Variants in SNTG1 observed in about 807,000 individuals in gnomAD.
SNTG1 encodes the protein gamma-1-syntrophin.
SNTG1 carries 39 observed loss-of-function variants against 74.7 expected under a neutral mutation model. The observed-to-expected ratio is 0.52, with a 90% CI of 0.40 to 0.68. The LOEUF (loss-of-function observed/expected upper bound fraction) is 0.68, where lower values mean the gene tolerates loss of function less well. SNTG1 is among the 30% of genes least tolerant of loss of function. The pLI is 0.00. For missense variants in SNTG1, 685 were observed against 609.5 expected, an observed-to-expected ratio of 1.12 and a Z score of -1.30; for synonymous variants, 254 against 217.1, an observed-to-expected ratio of 1.17 and a Z score of -1.49.
chr8:50,571,687 G>A (rs1183148708), intron 12 of SNTG1, among the ~76,000 whole-genome samples: 4 of 152,162 alleles, frequency 2.6e-5, no homozygotes, highest in African/African-American at 9.7e-5. Context: ...TATTTCTACA[G>A]AAGCAGGACT....
intron 2 of SNTG1, among the ~76,000 whole-genome samples, chr8:50,266,578 T>C (rs981258245): frequency 6.7e-6 from 1 of 150,300 alleles, no homozygotes; most frequent in Non-Finnish European, 1.5e-5. Context: ...TAAATATAAA[T>C]AAATTAATAA....
At chr8:50,099,403 A>G (rs1243790456) in intron 1 of SNTG1, among the ~76,000 whole-genome samples, 11 of 152,266 alleles carry the variant, frequency 7.2e-5, no homozygotes, top group Admixed American at 6.5e-4. Context: ...AGGATCTTCA[A>G]AATTGACATA....
chr8:50,700,217 G>GAGTATCTTA (rs2095418787), intron 15 of SNTG1, among the ~76,000 whole-genome samples: 1 of 152,100 alleles, frequency 6.6e-6, no homozygotes. Flanking sequence ...CAGTCTCTAA[G>GAGTATCTTA]AGTATCTTAT....
chr8:49,976,062 G>A (rs7010915), intron 1 of SNTG1, among the ~76,000 whole-genome samples: 105,001 of 151,858 alleles, frequency 0.69, 38,214 homozygotes, highest in East Asian at 0.86. Context: ...AAGACCTACT[G>A]TCATTCTTGG....
intron 1 of SNTG1, among the ~76,000 whole-genome samples, chr8:50,121,074 A>T (rs547639714): frequency 7.0e-6 from 1 of 142,692 alleles, no homozygotes; most frequent in East Asian, 2.0e-4. Context: ...ATTTAAGAAT[A>T]TTAAAATGTC....
rs150590853 is a variant in SNTG1, at chr8:50,464,372, T to C, written c.363+13643T>C. ...AAGTTTAATAAGTTCTAAGTTTTGA[T>C]TTAAAGTGAGAGGTGTGGGAATTTT... is the stretch of plus-strand genomic sequence containing the variant. On this transcript the variant is annotated intron_variant, in intron 8 of 18. Transcript: ENST00000642720. Among the ~76,000 whole-genome samples the C allele has an allele frequency of 2.4e-4, 36 of 152,254 alleles. No homozygotes were observed. The East Asian group carries it at 6.8e-3, about 29-fold the overall frequency.
chr8:50,419,920 G>A (rs79746833), intron 4 of SNTG1, among the ~76,000 whole-genome samples: 7,106 of 151,712 alleles, frequency 0.047, 216 homozygotes, highest in Middle Eastern at 0.095. Flanking sequence ...CACAATGGAC[G>A]GGACAGAGAA....
chr8:50,258,012 C>T (rs1275232749), intron 2 of SNTG1, among the ~76,000 whole-genome samples: 1 of 152,178 alleles, frequency 6.6e-6, no homozygotes. Context: ...ATTACTTTGT[C>T]CAAGGAATCT....
At chr8:49,970,058 C>G (rs1380839845) in intron 1 of SNTG1, among the ~76,000 whole-genome samples, 1 of 151,966 alleles carries the variant, frequency 6.6e-6, no homozygotes, top group East Asian at 1.9e-4. Flanking sequence ...ACAGTTAGAC[C>G]AATCTCAGGG....
intron 1 of SNTG1, among the ~76,000 whole-genome samples, chr8:49,963,252 A>C (rs1810854876): frequency 6.6e-6 from 1 of 152,154 alleles, no homozygotes; most frequent in Non-Finnish European, 1.5e-5. Flanking sequence ...TACCCACAGC[A>C]TGTGCTGTAT....
chr8:50,576,761 T>C (rs2094579022), intron 12 of SNTG1, among the ~76,000 whole-genome samples: 1 of 152,128 alleles, frequency 6.6e-6, no homozygotes. Context: ...TTTCAGATTG[T>C]TCATTGTTAT....
chr8:50,696,880 T>G (rs984686292), intron 15 of SNTG1, among the ~76,000 whole-genome samples: 2 of 152,188 alleles, frequency 1.3e-5, no homozygotes, highest in Non-Finnish European at 2.9e-5. Flanking sequence ...GGTAATGTGA[T>G]GCCTCCAGCT....
At chr8:50,344,867 A>C (rs2091426551) in intron 2 of SNTG1, among the ~76,000 whole-genome samples, 1 of 152,130 alleles carries the variant, frequency 6.6e-6, no homozygotes, top group Non-Finnish European at 1.5e-5. Flanking sequence ...ACGGCCTTTC[A>C]AGGTGTGATT....
chr8:50,264,560 C>G lies in SNTG1; in HGVS notation c.-28+91925C>G, dbSNP rs181265164. Among the ~76,000 whole-genome samples, 1,369 of 149,824 alleles carry G rather than the reference C, an allele frequency of 9.1e-3. 5 individuals are homozygous for G. Among genetic ancestry groups the G allele is most frequent in the Admixed American group, 0.015 (219 of 14,960 alleles). The stretch of plus-strand genomic sequence containing the variant: ...ACTCCAGCCTGAGCAACAGAGCAAG[C>G]CTCCGTCTCAAAATAAAAAAAAAAA... On this transcript the variant is annotated intron_variant, in intron 2 of 18. Coordinates refer to ENST00000642720, the MANE Select transcript of SNTG1 (RefSeq NM_018967.5).
chr8:50,070,841 CA>C lies in SNTG1; in HGVS notation c.-102-101716del, dbSNP rs369701303. 3.5e-3 allele frequency among the ~76,000 whole-genome samples: 532 copies of C among 152,296 alleles called. 4 individuals are homozygous for C. Among genetic ancestry groups the C allele is most frequent in the African/African-American group, 0.012 (513 of 41,558 alleles). ...TACCCCATGGGTTGCCATTCTTGGT[CA>C]AAATGTGTCCAGTTAGTATTCTCAC... On this transcript the variant is annotated intron_variant, in intron 1 of 18. Coordinates refer to ENST00000642720, the MANE Select transcript of SNTG1 (RefSeq NM_018967.5).
intron 2 of SNTG1, among the ~76,000 whole-genome samples, chr8:50,330,224 C>T (rs1444186497): frequency 6.6e-6 from 1 of 152,028 alleles, no homozygotes; most frequent in Non-Finnish European, 1.5e-5. Flanking sequence ...GGGGGTTTTT[C>T]CCCTTTTGCT....
rs1297948281 is a variant in SNTG1 at position 50,534,194 on chromosome 8, G to T, written c.550-2484G>T. Among the ~76,000 whole-genome samples, 3 of 152,178 alleles carry T rather than the reference G, an allele frequency of 2.0e-5. No individual in the cohort carries two copies. In the South Asian group the frequency reaches 6.2e-4, roughly 32 times the overall value. On this transcript the variant is annotated intron_variant, in intron 10 of 18. Transcript: ENST00000642720. Reference sequence around the variant, plus strand: ...ATCTGTTGGCTCTGCTATCAAAAAGGTGTTAGTCTGAGTGAATCCTGGGGG... The same window carrying T: ...ATCTGTTGGCTCTGCTATCAAAAAGTTGTTAGTCTGAGTGAATCCTGGGGG...
intron 9 of SNTG1, among the ~76,000 whole-genome samples, chr8:50,518,261 G>A (rs1477628239): frequency 6.6e-6 from 1 of 152,124 alleles, no homozygotes. Context: ...AAACCAATGA[G>A]AACAAAGACA....
chr8:50,010,651 C>T (rs77616870), intron 1 of SNTG1, among the ~76,000 whole-genome samples: 1 of 151,880 alleles, frequency 6.6e-6, no homozygotes, highest in Non-Finnish European at 1.5e-5. Context: ...TTGATAAACT[C>T]TCTTAAATGG....
Sources: allele counts gnomAD v4.1 joint callset (sites outside exome capture counted in the v4.1 genomes callset), GRCh38; gene constraint gnomAD v4.1.1; transcripts MANE v1.5; gene names NCBI Gene and HGNC (gene_info 2026-07-23, HGNC 2026-07-21).